The following PEAR1 variants were observed in gnomAD, a reference collection of about 807,000 sequenced individuals.
PEAR1 encodes the protein multiple EGF-like domains protein 12.
A neutral mutation model predicts 131.2 loss-of-function variants in PEAR1; 113 were observed. That is an observed-to-expected ratio of 0.86 (90% CI 0.74 to 1.01). The LOEUF is 1.01. Ranked by LOEUF, PEAR1 falls within the 50% of genes least tolerant of loss-of-function variation. The pLI, the probability that PEAR1 is intolerant of heterozygous loss-of-function variation, is 0.00. For synonymous variants in PEAR1, 565 were observed against 523.3 expected (o/e 1.08, Z -1.09); for missense variants, 1,408 against 1,391.1 (o/e 1.01, Z -0.19).
chr1:156,913,069 G>A, intron 18 of PEAR1, 87 bp downstream of exon 18: 1 of 1,564,144 alleles, frequency 6.4e-7, no homozygotes. Flanking sequence ...AAGGGAAGAT[G>A]AGGAGTGGGG....
rs762941823 is a variant in PEAR1, at chr1:156,908,267, C to T, written c.1042C>T (p.Arg348Cys). The change falls in exon 9 of 23, where the codon CGC becomes TGC. Residue 348 changes from arginine (R) to cysteine (C), a missense_variant. Coordinates refer to ENST00000292357, the MANE Select transcript of PEAR1 (RefSeq NM_001080471.3). The surrounding 1 kb of genome is among the most constrained non-coding windows in gnomAD (Gnocchi z 4.2). ...CTTCACTGGGGACCGCTGCACGGAT[C>T]GCCTCTGCCCCGACGGCTTCTACGG... ...HGFTGDRCTD[R>C]LCPDGFYGLS... 3.8e-6 allele frequency: 6 copies of T among 1,590,924 alleles called. No homozygotes were observed. The highest frequency in any genetic ancestry group is 4.3e-6 in the Non-Finnish European group (5 of 1,173,180).
chr1:156,899,025 A>G (rs1297211308), intron 1 of PEAR1, among the ~76,000 whole-genome samples: 1 of 152,176 alleles, frequency 6.6e-6, no homozygotes, highest in African/African-American at 2.4e-5. Flanking sequence ...GCATCAACAC[A>G]CATCCACGGA....
chr1:156,913,828 C>T, intron 21 of PEAR1, 24 bp from the exon 22 acceptor site: 1 of 1,610,630 alleles, frequency 6.2e-7, no homozygotes, highest in South Asian at 1.1e-5. Context: ...TCCATGCGGC[C>T]TGACTTCTTT....
Position 156,908,473 on chromosome 1 carries a change from G to A in PEAR1, c.1115+133G>A. On this transcript the variant is annotated intron_variant, in intron 9 of 22. Transcript: ENST00000292357. This position sits in a 1 kb window ranked among gnomAD's most constrained non-coding sequence, Gnocchi z 4.2. ...GAAGGGGAAAGGGAGGGACCTCAGG[G>A]GCCGGGAGGGGCCTGGGGTACCGCT... 8.1e-7 allele frequency: 1 copy of A among 1,237,090 alleles called. No homozygotes were observed. The highest frequency in any genetic ancestry group is 1.6e-5 in the South Asian group (1 of 63,158). 76.6% of individuals were successfully genotyped at this position (1,237,090 alleles called of 1,614,324 possible).
chr1:156,904,828 GC>G lies in PEAR1; in HGVS notation c.187del (p.His63IlefsTer18). On this transcript the variant is annotated frameshift_variant, in exon 3 of 23. Transcript: ENST00000292357. LOFTEE classifies it high-confidence loss of function. ...GAGCCCTGCGAGCGGCCCTGGGAGG[GC>G]CCCCATACTTGCCCCCAGCCCACGT... Reference protein sequence around the residue: ...PSEPCERPWEGPHTCPQPTVV... With the variant: ...PSEPCERPWEXPHTCPQPTVV... The G allele has an allele frequency of 6.2e-7, 1 of 1,613,810 alleles. No individual in the cohort carries two copies. The highest frequency in any genetic ancestry group is 8.5e-7 in the Non-Finnish European group (1 of 1,179,858).
Position 156,909,905 on chromosome 1 carries a change from GC to G in PEAR1, c.1569del (p.Cys524ValfsTer161). The G allele has an allele frequency of 6.2e-7, 1 of 1,608,832 alleles. No homozygotes were observed. On this transcript the variant is annotated frameshift_variant, in exon 12 of 23. Coordinates refer to ENST00000292357, the MANE Select transcript of PEAR1 (RefSeq NM_001080471.3). LOFTEE classifies it high-confidence loss of function. ...PGWHGAHCQL[P>X]CPKGQFGEGC... is the part of the protein sequence containing the mutation. ...GGTGGCATGGGGCCCACTGCCAGCT[GC>G]CCTGTCCGGTGAGTGCTGGACAGCC... is the stretch of plus-strand genomic sequence containing the variant.
At chr1:156,906,433 C>A in intron 5 of PEAR1, 65 bp downstream of exon 5, 1 of 1,584,340 alleles carries the variant, frequency 6.3e-7, no homozygotes, top group Non-Finnish European at 8.7e-7. Context: ...CCCTCAGGTA[C>A]ACCCTCCCTA....
At chr1:156,901,578 G>T (rs974703047) in intron 1 of PEAR1, among the ~76,000 whole-genome samples, 1 of 152,242 alleles carries the variant, frequency 6.6e-6, no homozygotes, top group African/African-American at 2.4e-5. Context: ...GGGAGTCCTT[G>T]TGTGTCTCAG....
chr1:156,898,240 A>G (rs916627810), intron 1 of PEAR1, among the ~76,000 whole-genome samples: 2 of 152,104 alleles, frequency 1.3e-5, no homozygotes, highest in Non-Finnish European at 2.9e-5. Flanking sequence ...GAGGGGTGCG[A>G]TAGATGTGTG....
chr1:156,907,906 T>A lies in PEAR1; in HGVS notation c.766-9T>A. The A allele has an allele frequency of 6.3e-7, 1 of 1,597,156 alleles. No individual in the cohort carries two copies. The highest frequency in any genetic ancestry group is 8.5e-7 in the Non-Finnish European group (1 of 1,170,768). On this transcript the variant is annotated splice_polypyrimidine_tract_variant and intron_variant, in intron 7 of 22. Transcript: ENST00000292357. Reference sequence around the variant, plus strand: ...TGCCTGGGGCCCTGTTGACCTCTTATCCCCACAGGGCACCATCTGCTCCCT... The same window carrying A: ...TGCCTGGGGCCCTGTTGACCTCTTAACCCCACAGGGCACCATCTGCTCCCT...
intron 1 of PEAR1, among the ~76,000 whole-genome samples, chr1:156,894,945 A>T (rs1649017546): frequency 6.6e-6 from 1 of 152,162 alleles, no homozygotes; most frequent in African/African-American, 2.4e-5. Flanking sequence ...AAACCAGCTC[A>T]TGGTATAGGG....
rs770617246 is a variant in PEAR1 at position 156,911,140 on chromosome 1, TTTTC to T, written c.1951+409_1951+412del. ...CTTCTTTCTTTCTTTCCTTTCTTTCTTTTCTTTCTTTCTTTTTCTTTCTTTCTTT... is the reference window on the plus strand; with the variant it reads ...CTTCTTTCTTTCTTTCCTTTCTTTCTTTTCTTTCTTTTTCTTTCTTTCTTT... On this transcript the variant is annotated intron_variant, in intron 15 of 22. Transcript: ENST00000292357. 5.1e-4 allele frequency among the ~76,000 whole-genome samples: 73 copies of T among 143,758 alleles called. 4 individuals are homozygous for T. The highest frequency in any genetic ancestry group is 3.4e-3 in the Middle Eastern group (1 of 290). 94.3% of individuals were successfully genotyped at this position (143,758 alleles called of 152,430 possible). A position where few individuals can be genotyped will look rare whatever the true frequency, so the allele number is the denominator to read the frequency against.
Position 156,913,189 on chromosome 1 carries a change from T to C in PEAR1, c.2423-5T>C, listed in dbSNP as rs770504276. 1.5e-5 allele frequency: 25 copies of C among 1,613,032 alleles called. No homozygotes were observed. Among genetic ancestry groups the C allele is most frequent in the Non-Finnish European group, 1.8e-5 (21 of 1,179,496 alleles). ...GCTCACCCTGTGCTTGTGTCTGTCATGCAGATGTCCCTCCGAGCTACAGTC... is the reference window on the plus strand; with the variant it reads ...GCTCACCCTGTGCTTGTGTCTGTCACGCAGATGTCCCTCCGAGCTACAGTC... On this transcript the variant is annotated splice_polypyrimidine_tract_variant and splice_region_variant and intron_variant, in intron 18 of 22. Coordinates refer to ENST00000292357, the MANE Select transcript of PEAR1 (RefSeq NM_001080471.3).
intron 1 of PEAR1, among the ~76,000 whole-genome samples, chr1:156,894,532 A>T (rs1014311586): frequency 5.3e-5 from 8 of 152,156 alleles, no homozygotes; most frequent in Non-Finnish European, 1.0e-4. Context: ...TTTGCCAGTT[A>T]TGAGGACTGG....
chr1:156,905,129 G>C, intron 3 of PEAR1, 195 bp from the exon 4 acceptor site: 1 of 1,195,556 alleles, frequency 8.4e-7, no homozygotes, highest in Admixed American at 2.1e-5. Context: ...TAATAGACAA[G>C]GTCTCGCTCT....
Position 156,911,130 on chromosome 1 carries a change from CCTTT to C in PEAR1, c.1951+396_1951+399del, listed in dbSNP as rs147518034. Among the ~76,000 whole-genome samples the C allele has an allele frequency of 3.9e-4, 37 of 94,000 alleles. 1 individual carries two copies. In the Middle Eastern group the frequency reaches 0.016, roughly 41 times the overall value. 61.7% of individuals were successfully genotyped at this position (94,000 alleles called of 152,430 possible). A position where few individuals can be genotyped will look rare whatever the true frequency, so the allele number is the denominator to read the frequency against. On this transcript the variant is annotated intron_variant, in intron 15 of 22. Transcript: ENST00000292357. ...TCTTTTCTTTCTTCTTTCTTTCTTT[CCTTT>C]CTTTCTTTTCTTTCTTTCTTTTTCT... is the stretch of plus-strand genomic sequence containing the variant.
chr1:156,910,541 T>C (rs904266486), intron 14 of PEAR1, 77 bp from the exon 15 acceptor site: 15 of 1,578,266 alleles, frequency 9.5e-6, no homozygotes. Flanking sequence ...AGTGGGAAGG[T>C]GGGAGGGAGA....
intron 22 of PEAR1, 29 bp from the exon 23 acceptor site, chr1:156,914,618 T>G: frequency 6.3e-7 from 1 of 1,590,052 alleles, no homozygotes. Context: ...GAGGAGCCAC[T>G]CCCTCTTATC....
rs773761327 is a variant in PEAR1 at position 156,909,051 on chromosome 1, T to A, written c.1411+15T>A. The A allele has an allele frequency of 6.2e-7, 1 of 1,612,464 alleles. No homozygotes were observed. The highest frequency in any genetic ancestry group is 1.1e-5 in the South Asian group (1 of 90,970). ...CTGCAAGGAAGGTAATAGGGTGGAG[T>A]TTCCCAGAGAGAAGACTTGGGGGAT... On this transcript the variant is annotated intron_variant, in intron 11 of 22. Coordinates refer to ENST00000292357, the MANE Select transcript of PEAR1 (RefSeq NM_001080471.3).
Sources: gnomAD v4.1 joint callset for allele counts (sites outside exome capture counted in the v4.1 genomes callset) on GRCh38, gnomAD v4.1.1 for gene constraint, Gnocchi (gnomAD v3.1) non-coding constraint, MANE v1.5 for transcripts, NCBI Gene and HGNC (gene_info 2026-07-23, HGNC 2026-07-21) for gene names.